BTNL2: variants seen among roughly 807,000 people sequenced by gnomAD.
The protein encoded by BTNL2 is butyrophilin like 2, also known as butyrophilin-like protein 2.
Under a neutral mutation model 46.8 loss-of-function variants are expected in BTNL2, and 46 were observed. The ratio of observed to expected loss-of-function variants is 0.98; its 90% CI spans 0.78 to 1.26. The LOEUF (loss-of-function observed/expected upper bound fraction) is 1.26, where lower values mean the gene tolerates loss of function less well. BTNL2 is among the 50% of genes most tolerant of loss of function. The probability of loss-of-function intolerance (pLI) is 0.00; values close to 1 mark genes in which losing one functional copy is unlikely to be tolerated. For missense variants in BTNL2, 461 were observed against 592.6 expected (o/e 0.78, Z 2.31); for synonymous variants, 226 against 229.1 (o/e 0.99, Z 0.12).
chr6:32,402,782 G>A (rs117335044), intron 3 of BTNL2, among the ~76,000 whole-genome samples, 153 bp downstream of exon 3: 2,637 of 152,252 alleles, frequency 0.017, 79 homozygotes, highest in East Asian at 0.11. Context: ...AATGTAGTGC[G>A]TATATTTCCA....
In BTNL2 at chr6:32,404,997, C is replaced by T. The variant is rs1316014364; in HGVS notation, c.369G>A (p.Trp123Ter). 1.2e-6 allele frequency: 2 copies of T among 1,613,088 alleles called. No homozygotes were observed. Among genetic ancestry groups the T allele is most frequent in the East Asian group, 2.2e-5 (1 of 44,884 alleles). The change falls in exon 2 of 8, where the codon TGG becomes TGA. Residue 123 changes from tryptophan to a stop codon, truncating the protein, a stop_gained. Coordinates refer to ENST00000454136, the MANE Select transcript of BTNL2 (RefSeq NM_001304561.2). LOFTEE classifies it high-confidence loss of function. Reference protein sequence around the residue: ...NIQPSDNGQYWCHFQDGNYCG... With the variant: ...NIQPSDNGQY Reference sequence around the variant, plus strand: ...AGTAGTTCCCATCCTGGAAATGGCACCAGTATTGTCCATTGTCGGAGGGCT... The same window carrying T: ...AGTAGTTCCCATCCTGGAAATGGCATCAGTATTGTCCATTGTCGGAGGGCT...
chr6:32,406,328 T>C (rs118046932), intron 1 of BTNL2: 2,667 of 152,344 alleles, frequency 0.018, 77 homozygotes, highest in East Asian at 0.11. Context: ...AGCCAGCAGC[T>C]TCATCACATC....
chr6:32,406,513 T>A (rs920567018), intron 1 of BTNL2: 1 of 61,484 alleles, frequency 1.6e-5, no homozygotes, highest in Non-Finnish European at 3.4e-5. Flanking sequence ...CTGACACTGA[T>A]TTTTTTTTTT....
chr6:32,401,700 CACA>C lies in BTNL2; in HGVS notation c.730+82_730+84del, dbSNP rs555501721. ...TCGTGCCTCAGTTTTTCCTCTGGGT[CACA>C]TGGTCTCGTGGTAGCTCCCCTCCCT... is the stretch of plus-strand genomic sequence containing the variant. On this transcript the variant is annotated intron_variant, in intron 4 of 7. Coordinates refer to ENST00000454136, the MANE Select transcript of BTNL2 (RefSeq NM_001304561.2). 1.6e-3 allele frequency: 2,104 copies of C among 1,336,166 alleles called. 10 individuals carry two copies. The highest frequency in any genetic ancestry group is 9.4e-3 in the Middle Eastern group (50 of 5,300). 82.8% of individuals were successfully genotyped at this position (1,336,166 alleles called of 1,614,324 possible).
intron 4 of BTNL2, among the ~76,000 whole-genome samples, chr6:32,400,632 G>C (rs1433351553): frequency 3.5e-5 from 5 of 140,936 alleles, no homozygotes; most frequent in Admixed American, 7.4e-5. Flanking sequence ...AATTAGGCTG[G>C]GTGCAGTGGC....
At chr6:32,395,736 T>G (rs1433659104) in intron 5 of BTNL2, among the ~76,000 whole-genome samples, 1 of 152,248 alleles carries the variant, frequency 6.6e-6, no homozygotes, top group East Asian at 1.9e-4. Context: ...AATAACACAC[T>G]GTGAAACAAT....
chr6:32,406,854 T>C, intron 1 of BTNL2, 191 bp downstream of exon 1: 1 of 532,656 alleles, frequency 1.9e-6, no homozygotes, highest in Non-Finnish European at 3.4e-6. Flanking sequence ...CAAGTAACTT[T>C]CCAAAGGTGA....
In BTNL2 at chr6:32,393,753, C is replaced by A; in HGVS notation, c.*6+210G>T. Reference sequence around the variant, plus strand: ...AAATCATTATCTTTTAATCATTTTGCTTCTATTACAAGTGGAAACACTGAC... The same window carrying A: ...AAATCATTATCTTTTAATCATTTTGATTCTATTACAAGTGGAAACACTGAC... On this transcript the variant is annotated intron_variant, in intron 7 of 7. Coordinates refer to ENST00000454136, the MANE Select transcript of BTNL2 (RefSeq NM_001304561.2). This position sits in a 1 kb window ranked among gnomAD's most constrained non-coding sequence, Gnocchi z 4.8. The A allele has an allele frequency of 2.0e-6, 1 of 511,126 alleles. No individual in the cohort carries two copies. The highest frequency in any genetic ancestry group is 3.2e-6 in the Non-Finnish European group (1 of 310,024). 31.7% of individuals were successfully genotyped at this position (511,126 alleles called of 1,614,324 possible).
At chr6:32,395,059 C>T (rs1284163306) in intron 5 of BTNL2, 34 bp from the exon 6 acceptor site, 2 of 1,524,842 alleles carry the variant, frequency 1.3e-6, no homozygotes, top group African/African-American at 2.8e-5. Context: ...GCCTGGGGTC[C>T]TTTCAAGTGG....
At chr6:32,405,818 G>GTTTTTTTTTTGC (rs1777110406) in intron 1 of BTNL2, among the ~76,000 whole-genome samples, 1 of 128,024 alleles carries the variant, frequency 7.8e-6, no homozygotes, top group Admixed American at 7.4e-5. Context: ...TTTTTTTTTT[G>GTTTTTTTTTTGC]TTTTTTTTTT....
At chr6:32,397,337 G>A (rs140223938) in intron 4 of BTNL2, among the ~76,000 whole-genome samples, 222 of 152,232 alleles carry the variant, frequency 1.5e-3, no homozygotes, top group Non-Finnish European at 1.5e-3. Flanking sequence ...TGTTCAAATC[G>A]GCAAACGCCA....
In BTNL2 at chr6:32,398,615, C is replaced by A. The variant is rs149791640; in HGVS notation, c.731-2229G>T. 5.3e-3 allele frequency among the ~76,000 whole-genome samples: 809 copies of A among 152,266 alleles called. 9 individuals carry two copies. The highest frequency in any genetic ancestry group is 0.018 in the African/African-American group (764 of 41,546). On this transcript the variant is annotated intron_variant, in intron 4 of 7. Coordinates refer to ENST00000454136, the MANE Select transcript of BTNL2 (RefSeq NM_001304561.2). ...CAGACTGTTTCCTCATCTCCTTTATCCATATGAGGATTTTATTCCCTGTCC... is the reference window on the plus strand; with the variant it reads ...CAGACTGTTTCCTCATCTCCTTTATACATATGAGGATTTTATTCCCTGTCC...
chr6:32,403,300 C>A (rs1583269437), intron 2 of BTNL2, 84 bp from the exon 3 acceptor site: 1 of 1,462,850 alleles, frequency 6.8e-7, no homozygotes, highest in East Asian at 2.5e-5. Context: ...ACGTTGCTCA[C>A]AGGGAGGTGG....
chr6:32,401,866 A>C, intron 3 of BTNL2, 61 bp from the exon 4 acceptor site: 1 of 1,484,916 alleles, frequency 6.7e-7, no homozygotes, highest in Non-Finnish European at 9.2e-7. Flanking sequence ...GAGAGAAACT[A>C]TTTTTTAAAA....
At chr6:32,403,966 C>G (rs74506038) in intron 2 of BTNL2, among the ~76,000 whole-genome samples, 15,862 of 152,138 alleles carry the variant, frequency 0.1, 953 homozygotes, top group East Asian at 0.2. Flanking sequence ...TTCCCTTGGA[C>G]CCTTAGAAAA....
chr6:32,394,192 C>G lies in BTNL2; in HGVS notation c.1361-135G>C. On this transcript the variant is annotated intron_variant, in intron 6 of 7. Coordinates refer to ENST00000454136, the MANE Select transcript of BTNL2 (RefSeq NM_001304561.2). This position sits in a 1 kb window ranked among gnomAD's most constrained non-coding sequence, Gnocchi z 4.6. The stretch of plus-strand genomic sequence containing the variant: ...CTCCCAGGAAGCAGTTGGCCTGCTC[C>G]TCCCTGCTCTGGAGATGCAGAGGAG... 7.9e-7 allele frequency: 1 copy of G among 1,265,628 alleles called. No homozygotes were observed. The highest frequency in any genetic ancestry group is 1.1e-6 in the Non-Finnish European group (1 of 930,942). The allele number at this position is 1,265,628 out of a possible 1,614,324, so 78.4% of individuals were successfully genotyped here. A position where few individuals can be genotyped will look rare whatever the true frequency, so the allele number is the denominator to read the frequency against.
chr6:32,400,427 G>A (rs1029374798), intron 4 of BTNL2, among the ~76,000 whole-genome samples: 10 of 152,258 alleles, frequency 6.6e-5, no homozygotes, highest in Middle Eastern at 3.4e-3. Flanking sequence ...AGGGATCCAC[G>A]TTCTATGCAC....
At chr6:32,404,869 G>A (rs1271962984) in intron 2 of BTNL2, 70 bp downstream of exon 2, 1 of 1,420,822 alleles carries the variant, frequency 7.0e-7, no homozygotes, top group Non-Finnish European at 9.8e-7. Flanking sequence ...TTCCTCAACT[G>A]TCACAAAGCT....
In BTNL2 at chr6:32,399,446, A is replaced by G. The variant is rs1776625700; in HGVS notation, c.730+2339T>C. Among the ~76,000 whole-genome samples, 1 of 152,242 alleles carries G rather than the reference A, an allele frequency of 6.6e-6. No individual in the cohort carries two copies. Among genetic ancestry groups the G allele is most frequent in the Admixed American group, 6.5e-5 (1 of 15,282 alleles). ...CACTATCTCATTTCTCAAATATGCT[A>G]AGTTATATCTAATCTCTTAGAACTG... On this transcript the variant is annotated intron_variant, in intron 4 of 7. Coordinates refer to ENST00000454136, the MANE Select transcript of BTNL2 (RefSeq NM_001304561.2). The surrounding 1 kb of genome is among the most constrained non-coding windows in gnomAD (Gnocchi z 5.2).
Sources: gnomAD v4.1 joint callset for allele counts (sites outside exome capture counted in the v4.1 genomes callset) on GRCh38, gnomAD v4.1.1 for gene constraint, Gnocchi (gnomAD v3.1) non-coding constraint, MANE v1.5 for transcripts, NCBI Gene and HGNC (gene_info 2026-07-23, HGNC 2026-07-21) for gene names.